Variants in DNAH5 observed in about 807,000 individuals in gnomAD.
The protein encoded by DNAH5 is axonemal beta dynein heavy chain 5.
A neutral mutation model predicts 518.2 loss-of-function variants in DNAH5; 372 were observed. The observed-to-expected ratio is 0.72, with a 90% CI of 0.66 to 0.78. The LOEUF (loss-of-function observed/expected upper bound fraction) is 0.78, where lower values mean the gene tolerates loss of function less well. Among genes scored for constraint, DNAH5 ranks in the 30% least tolerant of loss-of-function variants. The probability of loss-of-function intolerance (pLI) is 0.00; values close to 1 mark genes in which losing one functional copy is unlikely to be tolerated. For missense variants in DNAH5, 5,523 were observed against 5,687.0 expected, an observed-to-expected ratio of 0.97 and a Z score of 0.93; for synonymous variants, 2,039 against 2,025.9, an observed-to-expected ratio of 1.01 and a Z score of -0.17.
intron 17 of DNAH5, among the ~76,000 whole-genome samples, chr5:13,890,406 CAAA>C (rs35655538): frequency 5.1e-5 from 7 of 136,920 alleles, no homozygotes; most frequent in Admixed American, 1.4e-4. Flanking sequence ...GACTCCATCT[CAAA>C]AAAAAAAAAA....
chr5:13,762,664 G>T, intron 60 of DNAH5, 58 bp downstream of exon 60: 4 of 1,490,432 alleles, frequency 2.7e-6, no homozygotes, highest in Non-Finnish European at 2.8e-6. Context: ...AAGATAAGAC[G>T]GGTCGACCTG....
In DNAH5 at chr5:13,921,459, T is replaced by TC. The variant is rs70964519; in HGVS notation, c.660+647_660+648insG. Among the ~76,000 whole-genome samples the TC allele has an allele frequency of 2.6e-3, 335 of 130,356 alleles. 8 individuals carry two copies. The highest frequency in any genetic ancestry group is 0.02 in the South Asian group (76 of 3,712). The allele number at this position is 130,356 out of a possible 152,430, so 85.5% of individuals were successfully genotyped here. A position where few individuals can be genotyped will look rare whatever the true frequency, so the allele number is the denominator to read the frequency against. ...CTGTCTCTCTCTCTCTCTCTCTCTC[T>TC]TGCTCTATCTCTCTCTCACACACAC... On this transcript the variant is annotated intron_variant, in intron 5 of 78. Transcript: ENST00000265104.
At chr5:13,833,076 T>C (rs1230443194) in intron 35 of DNAH5, among the ~76,000 whole-genome samples, 2 of 148,930 alleles carry the variant, frequency 1.3e-5, no homozygotes, top group African/African-American at 5.0e-5. Flanking sequence ...ACTCTTTGAT[T>C]ATAGGGCATG....
chr5:13,752,006 G>C, intron 64 of DNAH5, 128 bp downstream of exon 64: 1 of 984,090 alleles, frequency 1.0e-6, no homozygotes, highest in East Asian at 2.4e-5. Flanking sequence ...AAGTGTAGAA[G>C]AGAAAAACAA....
intron 29 of DNAH5, among the ~76,000 whole-genome samples, chr5:13,861,084 G>C (rs1410239935): frequency 6.6e-6 from 1 of 152,024 alleles, no homozygotes; most frequent in African/African-American, 2.4e-5. Flanking sequence ...AATATATATT[G>C]AAAAAATACT....
At position 13,814,759 on chromosome 5, in the gene DNAH5, A is replaced by G; in HGVS notation, c.7076T>C (p.Leu2359Pro). The G allele has an allele frequency of 6.2e-7, 1 of 1,614,150 alleles. No homozygotes were observed. Among genetic ancestry groups the G allele is most frequent in the Non-Finnish European group, 8.5e-7 (1 of 1,180,016 alleles). Reference sequence around the variant, plus strand: ...AATCCGATCACCATTGGCAAGGGTTAGAGTTTTGTTATCATCCAAAACAGA... The same window carrying G: ...AATCCGATCACCATTGGCAAGGGTTGGAGTTTTGTTATCATCCAAAACAGA... Reference protein sequence around the residue: ...LNSVLDDNKTLTLANGDRIPM... With the variant: ...LNSVLDDNKTPTLANGDRIPM... The change falls in exon 43 of 79, where the codon CTA becomes CCA. Residue 2359 changes from leucine (L) to proline (P), a missense_variant. By Grantham distance (98) the Leu-to-Pro change is moderately conservative. Coordinates refer to ENST00000265104, the MANE Select transcript of DNAH5 (RefSeq NM_001369.3).
intron 42 of DNAH5, among the ~76,000 whole-genome samples, chr5:13,815,559 C>A (rs1227227583): frequency 6.6e-6 from 1 of 152,222 alleles, no homozygotes; most frequent in East Asian, 1.9e-4. Context: ...GCTCCCTGAT[C>A]TCAGACTTCC....
intron 1 of DNAH5, among the ~76,000 whole-genome samples, chr5:14,007,080 C>T (rs78780921): frequency 0.023 from 3,454 of 152,298 alleles, 57 homozygotes; most frequent in South Asian, 0.045. Context: ...TCCACCCAGG[C>T]GAGGACTCTT....
At chr5:13,727,438 T>G (rs898546203) in intron 70 of DNAH5, 69 bp downstream of exon 70, 1 of 1,407,102 alleles carries the variant, frequency 7.1e-7, no homozygotes. Context: ...TAAAATATTT[T>G]TTTTAATTTA....
intron 74 of DNAH5, among the ~76,000 whole-genome samples, chr5:13,715,905 G>A (rs1448282715): frequency 6.6e-6 from 1 of 152,184 alleles, no homozygotes; most frequent in African/African-American, 2.4e-5. Context: ...GGCCTGGGAT[G>A]CTGCTCAACA....
intron 1 of DNAH5, among the ~76,000 whole-genome samples, chr5:13,934,924 A>T (rs1297221926): frequency 6.6e-6 from 1 of 152,254 alleles, no homozygotes; most frequent in Non-Finnish European, 1.5e-5. Context: ...CACTAAAGCC[A>T]GGAAGATGTC....
chr5:13,780,850 G>C lies in DNAH5; in HGVS notation c.8930C>G (p.Ser2977Cys). ...TCACCTCGTCAGAGTGATCTGGAAG[G>C]AAACGTAGCCAGCAATGAATGAAGC... The part of the protein sequence containing the change: ...RLASFIAGYV[S>C]FQITLTRSYN... Residue 2977 changes from serine to cysteine, a missense_variant, in exon 53 of 79, where the codon TCC becomes TGC. Transcript: ENST00000265104. The C allele has an allele frequency of 6.2e-7, 1 of 1,613,698 alleles. No individual in the cohort carries two copies. Among genetic ancestry groups the C allele is most frequent in the East Asian group, 2.2e-5 (1 of 44,842 alleles).
intron 1 of DNAH5, among the ~76,000 whole-genome samples, chr5:13,937,488 T>A (rs1198512667): frequency 6.6e-6 from 1 of 151,644 alleles, no homozygotes; most frequent in African/African-American, 2.4e-5. Flanking sequence ...CCTGAAAGTG[T>A]CTCGGAGGTT....
intron 1 of DNAH5, among the ~76,000 whole-genome samples, chr5:13,952,898 C>G (rs1421226862): frequency 1.3e-5 from 2 of 152,158 alleles, no homozygotes; most frequent in African/African-American, 4.8e-5. Flanking sequence ...TCCTTCCACC[C>G]CAGTCTCCCA....
chr5:13,924,648 C>A (rs1777661681), intron 3 of DNAH5, among the ~76,000 whole-genome samples: 1 of 147,280 alleles, frequency 6.8e-6, no homozygotes, highest in Non-Finnish European at 1.5e-5. Flanking sequence ...GCACTCTAGG[C>A]TGAGCAACAA....
At chr5:13,713,455 A>ATG (rs1314064261) in intron 75 of DNAH5, among the ~76,000 whole-genome samples, 1 of 132,946 alleles carries the variant, frequency 7.5e-6, no homozygotes, top group Non-Finnish European at 1.5e-5. Flanking sequence ...ATATATATAT[A>ATG]TATATATATA....
chr5:13,842,313 G>T (rs1376798437), intron 32 of DNAH5, among the ~76,000 whole-genome samples: 1 of 151,834 alleles, frequency 6.6e-6, no homozygotes, highest in Non-Finnish European at 1.5e-5. Context: ...ACAGGAGGCG[G>T]AGGTTGCAGT....
intron 3 of DNAH5, among the ~76,000 whole-genome samples, chr5:13,927,250 T>C (rs1777972156): frequency 6.6e-6 from 1 of 152,106 alleles, no homozygotes; most frequent in Admixed American, 6.5e-5. Flanking sequence ...TCCCAGCACT[T>C]TGGGAGGCCG....
At position 13,862,625 on chromosome 5, in the gene DNAH5, C is replaced by G. The variant is rs1251390537; in HGVS notation, c.4719G>C (p.Leu1573Phe). 6.2e-7 allele frequency: 1 copy of G among 1,613,782 alleles called. No homozygotes were observed. Among genetic ancestry groups the G allele is most frequent in the Non-Finnish European group, 8.5e-7 (1 of 1,179,914 alleles). ...GSFKTRGELL[L>F]RGDSTSEIIA... ...TGATTTCCGAGGTACTGTCTCCTCT[C>G]AAGAGGAGCTCTCCACGGGTTTTAA... is the stretch of plus-strand genomic sequence containing the variant. Residue 1573 changes from leucine (L) to phenylalanine (F), a missense_variant, in exon 29 of 79, where the codon TTG (leucine) becomes TTC (phenylalanine). Physicochemically the swap from Leu to Phe is conservative, Grantham distance 22. Around this residue, in one of 3 missense-constraint regions of DNAH5, gnomAD observed 5,121 missense variants for 5,223.3 expected, o/e 0.98. Coordinates refer to ENST00000265104, the MANE Select transcript of DNAH5 (RefSeq NM_001369.3).
Sources: allele counts gnomAD v4.1 joint callset (sites outside exome capture counted in the v4.1 genomes callset), GRCh38; gene constraint gnomAD v4.1.1; regional missense constraint gnomAD v4.1.1; transcripts MANE v1.5; gene names NCBI Gene and HGNC (gene_info 2026-07-23, HGNC 2026-07-21).